Variants in TYW1 observed in about 807,000 individuals in gnomAD.
TYW1 encodes S-adenosyl-L-methionine-dependent tRNA 4-demethylwyosine synthase TYW1.
In TYW1, 46 loss-of-function variants were observed where a neutral mutation model predicts 96.2. That is an observed-to-expected ratio of 0.48 (90% CI 0.38 to 0.61). The LOEUF is 0.61. TYW1 is among the 20% of genes least tolerant of loss of function. The probability of loss-of-function intolerance (pLI) is 0.00; values close to 1 mark genes in which losing one functional copy is unlikely to be tolerated. For synonymous variants in TYW1, 274 were observed against 323.0 expected (o/e 0.85, Z 1.63); for missense variants, 684 against 909.6 (o/e 0.75, Z 3.19).
intron 14 of TYW1, among the ~76,000 whole-genome samples, chr7:67,193,938 C>T (rs1312492002): frequency 1.3e-5 from 2 of 151,624 alleles, no homozygotes; most frequent in Non-Finnish European, 2.9e-5. Context: ...CCCCACTTAG[C>T]GGAATCATTT....
chr7:67,110,047 G>C (rs1001042027), intron 12 of TYW1, among the ~76,000 whole-genome samples: 1 of 152,100 alleles, frequency 6.6e-6, no homozygotes, highest in Admixed American at 6.6e-5. Flanking sequence ...TTCTCTCACA[G>C]GGGTTGTCTT....
chr7:67,153,981 G>T (rs146603575), intron 13 of TYW1, among the ~76,000 whole-genome samples: 2 of 147,612 alleles, frequency 1.4e-5, no homozygotes, highest in African/African-American at 2.5e-5. Flanking sequence ...AGGCTGGAGC[G>T]CAGTGGCGTG....
chr7:67,131,116 A>G (rs1490806340), intron 13 of TYW1, among the ~76,000 whole-genome samples: 3 of 151,908 alleles, frequency 2.0e-5, no homozygotes, highest in African/African-American at 7.3e-5. Context: ...TTAGTAATTG[A>G]AAGCTTGGGT....
At chr7:67,140,211 C>A (rs28583894) in intron 13 of TYW1, among the ~76,000 whole-genome samples, 2,780 of 143,824 alleles carry the variant, frequency 0.019, 56 homozygotes, top group African/African-American at 0.069. Context: ...CAGGTCCCCC[C>A]ACAACATGTG....
chr7:67,169,683 G>C (rs1348244859), intron 13 of TYW1, among the ~76,000 whole-genome samples: 1 of 152,228 alleles, frequency 6.6e-6, no homozygotes, highest in Non-Finnish European at 1.5e-5. Context: ...ACAGGCGTGA[G>C]CCACTGCTCC....
intron 7 of TYW1, among the ~76,000 whole-genome samples, chr7:67,033,698 C>CTTT (rs576428706): frequency 2.1e-5 from 3 of 141,448 alleles, no homozygotes; most frequent in Non-Finnish European, 3.1e-5. Context: ...CTGGGGGACC[C>CTTT]TTTTTTTTTT....
chr7:67,094,580 T>C (rs1796828750), intron 11 of TYW1, among the ~76,000 whole-genome samples: 1 of 152,126 alleles, frequency 6.6e-6, no homozygotes, highest in Admixed American at 6.6e-5. Context: ...TTAGTAATGC[T>C]GAGTGTTTTT....
chr7:67,193,398 G>A (rs1800282214), intron 14 of TYW1, among the ~76,000 whole-genome samples: 1 of 152,174 alleles, frequency 6.6e-6, no homozygotes, highest in Non-Finnish European at 1.5e-5. Context: ...AAGCTCATGT[G>A]AGTCTTCATC....
chr7:67,216,455 C>T (rs1285433285), intron 15 of TYW1, among the ~76,000 whole-genome samples: 2 of 139,040 alleles, frequency 1.4e-5, no homozygotes. Flanking sequence ...TCTAGTTCAG[C>T]CGAGATCGGG....
chr7:67,223,221 C>T (rs1013501606), intron 15 of TYW1, among the ~76,000 whole-genome samples: 2 of 151,994 alleles, frequency 1.3e-5, no homozygotes, highest in African/African-American at 2.4e-5. Flanking sequence ...TTGGATGGAC[C>T]GTATATCACT....
intron 10 of TYW1, among the ~76,000 whole-genome samples, chr7:67,081,153 AG>A (rs201836472): frequency 0.065 from 9,656 of 149,410 alleles, 430 homozygotes; most frequent in South Asian, 0.12. Flanking sequence ...GAATTCCCTC[AG>A]TTTTTACTTG....
chr7:67,035,812 G>A (rs1237406764), intron 7 of TYW1, among the ~76,000 whole-genome samples: 3 of 151,944 alleles, frequency 2.0e-5, no homozygotes, highest in African/African-American at 7.3e-5. Flanking sequence ...CGAGTAGCTG[G>A]GACTACAGGT....
chr7:67,159,799 A>ATTTTAT (rs141173601), intron 13 of TYW1, among the ~76,000 whole-genome samples: 5 of 71,292 alleles, frequency 7.0e-5, no homozygotes, highest in East Asian at 2.8e-4. Flanking sequence ...ATTTTATTTT[A>ATTTTAT]TTTATTTATT....
At chr7:67,009,298 G>A (rs995907882) in intron 3 of TYW1, among the ~76,000 whole-genome samples, 1 of 152,106 alleles carries the variant, frequency 6.6e-6, no homozygotes, top group Non-Finnish European at 1.5e-5. Context: ...TTGCCTGGCT[G>A]ATATGTTTAC....
rs186158303 is a variant in TYW1, at chr7:67,239,072, C to T, written c.*543C>T. 1.0e-5 allele frequency: 10 copies of T among 987,056 alleles called. No homozygotes were observed. The African/African-American group carries it at 1.7e-4, about 17-fold the overall frequency. The allele number at this position is 987,056 out of a possible 1,614,324, so 61.1% of individuals were successfully genotyped here. A position where few individuals can be genotyped will look rare whatever the true frequency, so the allele number is the denominator to read the frequency against. ...ACAACTCTCAATTATTTTTTAAATA[C>T]TGCATAGATTGAGTTTTGGTTTATT... On this transcript the variant is annotated 3_prime_UTR_variant, in exon 16 of 16. Transcript: ENST00000359626.
chr7:67,061,725 G>A (rs1250883686), intron 9 of TYW1, among the ~76,000 whole-genome samples: 2 of 152,168 alleles, frequency 1.3e-5, no homozygotes, highest in Admixed American at 1.3e-4. Flanking sequence ...ATAAAAATAA[G>A]AATACTAATG....
chr7:67,155,277 G>C (rs1472421536), intron 13 of TYW1, among the ~76,000 whole-genome samples: 1 of 152,312 alleles, frequency 6.6e-6, no homozygotes, highest in South Asian at 2.1e-4. Context: ...TTTAGGTCAT[G>C]GAGACAGATC....
At chr7:67,016,066 CT>C (rs773048031) in intron 5 of TYW1, among the ~76,000 whole-genome samples, 8 of 151,640 alleles carry the variant, frequency 5.3e-5, no homozygotes, top group Non-Finnish European at 8.8e-5. Flanking sequence ...TTTTCCCGGG[CT>C]ATTTTTCTAA....
At chr7:67,151,799 CTT>C (rs67274439) in intron 13 of TYW1, among the ~76,000 whole-genome samples, 7 of 119,112 alleles carry the variant, frequency 5.9e-5, no homozygotes, top group African/African-American at 1.8e-4. Context: ...GCTGCTGCTG[CTT>C]TTTTTGTTGT....
Sources: allele counts gnomAD v4.1 joint callset (sites outside exome capture counted in the v4.1 genomes callset), GRCh38; gene constraint gnomAD v4.1.1; transcripts MANE v1.5; gene names NCBI Gene and HGNC (gene_info 2026-07-23, HGNC 2026-07-21).